Variants in MYO18B observed in about 807,000 individuals in gnomAD.
MYO18B encodes the protein unconventional myosin-XVIIIb.
In MYO18B, 204 loss-of-function variants were observed where a neutral mutation model predicts 273.0. That is an observed-to-expected ratio of 0.75 (90% confidence interval 0.67 to 0.84). The LOEUF (loss-of-function observed/expected upper bound fraction) is 0.84, where lower values mean the gene tolerates loss of function less well. Among genes scored for constraint, MYO18B ranks in the 40% least tolerant of loss-of-function variants. MYO18B has a pLI of 0.00. For synonymous variants in MYO18B, 1,330 were observed against 1,305.7 expected (o/e 1.02, Z -0.40); for missense variants, 3,212 against 3,287.6 (o/e 0.98, Z 0.56).
intron 41 of MYO18B, among the ~76,000 whole-genome samples, chr22:26,004,217 AC>A: frequency 6.6e-6 from 1 of 151,894 alleles, no homozygotes; most frequent in South Asian, 2.1e-4. Flanking sequence ...ACCTGTGACG[AC>A]CCCCTCTCTT....
At chr22:25,807,885 C>A (rs8135237) in intron 12 of MYO18B, among the ~76,000 whole-genome samples, 1 of 151,662 alleles carries the variant, frequency 6.6e-6, no homozygotes, top group African/African-American at 2.4e-5. Context: ...AACTGAGGCT[C>A]AGTTTTCTGA....
chr22:25,862,051 C>T (rs1004339229), intron 21 of MYO18B, among the ~76,000 whole-genome samples: 2 of 152,124 alleles, frequency 1.3e-5, no homozygotes, highest in Non-Finnish European at 1.5e-5. Context: ...ATTTTCTTGT[C>T]ACGGTTCCCT....
chr22:26,001,936 A>G (rs1933992816), intron 40 of MYO18B, among the ~76,000 whole-genome samples: 1 of 152,220 alleles, frequency 6.6e-6, no homozygotes, highest in South Asian at 2.1e-4. Flanking sequence ...TGCTGGATTC[A>G]AGTAAAGATT....
At chr22:25,760,951 C>T (rs1429223894) in intron 1 of MYO18B, 33 bp from the exon 2 acceptor site, 2 of 939,976 alleles carry the variant, frequency 2.1e-6, no homozygotes, top group East Asian at 2.5e-5. Context: ...ACCTGTCTCT[C>T]TCTTCTCTCC....
chr22:25,948,510 C>CCT lies in MYO18B; in HGVS notation c.5748+682_5748+683insCT, dbSNP rs1569225618. 1.0e-2 allele frequency among the ~76,000 whole-genome samples: 142 copies of CCT among 14,252 alleles called. 2 individuals carry two copies. The highest frequency in any genetic ancestry group is 0.022 in the African/African-American group (133 of 5,918). 9.3% of individuals were successfully genotyped at this position (14,252 alleles called of 152,430 possible). A position where few individuals can be genotyped will look rare whatever the true frequency, so the allele number is the denominator to read the frequency against. Reference sequence around the variant, plus strand: ...TCTCTTTCTTTCTTTCCTCTCTTTTCTCTTTCCTTCTTTCTTTCTTCCTTC... The same window carrying CCT: ...TCTCTTTCTTTCTTTCCTCTCTTTTCCTTCTTTCCTTCTTTCTTTCTTCCTTC... On this transcript the variant is annotated intron_variant, in intron 36 of 43. Coordinates refer to ENST00000335473, the MANE Select transcript of MYO18B (RefSeq NM_032608.7).
rs775766182 is a variant in MYO18B, at chr22:25,952,337, C to T, written c.5884C>T (p.Arg1962Ter). Residue 1962 changes from arginine (R) to a stop codon, truncating the protein, a stop_gained, in exon 38 of 44, where the codon CGA (arginine) becomes TGA (stop). Coordinates refer to ENST00000335473, the MANE Select transcript of MYO18B (RefSeq NM_032608.7). LOFTEE classifies it high-confidence loss of function. Reference protein sequence around the residue: ...IEYLEQSTVDRAIVSRQEAVI... With the variant: ...IEYLEQSTVD ...GTACCTGGAACAGTCCACCGTGGAT[C>T]GAGCCATCGTCAGCAGGCAGGAGGC... 8.1e-6 allele frequency: 13 copies of T among 1,611,772 alleles called. No individual in the cohort carries two copies. The East Asian group carries it at 8.9e-5, about 11-fold the overall frequency.
chr22:25,952,443 T>A lies in MYO18B; in HGVS notation c.5970+20T>A. The A allele has an allele frequency of 6.2e-7, 1 of 1,612,284 alleles. No individual in the cohort carries two copies. Among genetic ancestry groups the A allele is most frequent in the South Asian group, 1.1e-5 (1 of 90,358 alleles). The stretch of plus-strand genomic sequence containing the variant: ...TTTGAGGTACGTAGTGATTCATAAA[T>A]AGTGCCTGGGCCAAGAGCAGGGAGA... On this transcript the variant is annotated intron_variant, in intron 38 of 43. Coordinates refer to ENST00000335473, the MANE Select transcript of MYO18B (RefSeq NM_032608.7).
At chr22:25,762,102 T>C (rs1373785259) in intron 2 of MYO18B, among the ~76,000 whole-genome samples, 1 of 147,586 alleles carries the variant, frequency 6.8e-6, no homozygotes, top group Admixed American at 6.7e-5. Flanking sequence ...AGACTCCGTC[T>C]CAAAAAAGAA....
rs200083140 is a variant in MYO18B at position 25,903,688 on chromosome 22, A to C, written c.5005A>C (p.Lys1669Gln). 6.2e-6 allele frequency: 10 copies of C among 1,609,982 alleles called. No individual in the cohort carries two copies. Among genetic ancestry groups the C allele is most frequent in the Middle Eastern group, 1.6e-4 (1 of 6,074 alleles). ...GCAGGTGGAGATGCTACAGGACCAT[A>C]AACGGGAGCTGCTGGGGTCACCCTC... ...KQQVEMLQDH[K>Q]RELLGSPSLG... is the part of the protein sequence containing the mutation. Residue 1669 changes from lysine to glutamine, a missense_variant, in exon 31 of 44, where the codon AAA becomes CAA. Coordinates refer to ENST00000335473, the MANE Select transcript of MYO18B (RefSeq NM_032608.7).
At chr22:25,814,883 G>A (rs3859875) in intron 12 of MYO18B, among the ~76,000 whole-genome samples, 82,322 of 152,118 alleles carry the variant, frequency 0.54, 26,416 homozygotes, top group Non-Finnish European at 0.71. Context: ...GGATGAGTAA[G>A]TGAAGGCTCA....
chr22:25,962,254 TC>T, intron 39 of MYO18B, among the ~76,000 whole-genome samples: 1 of 152,122 alleles, frequency 6.6e-6, no homozygotes, highest in East Asian at 1.9e-4. Flanking sequence ...TCCTTTGTGT[TC>T]CCGTACCCCC....
At chr22:25,866,286 T>C (rs1405612711) in intron 21 of MYO18B, among the ~76,000 whole-genome samples, 2 of 152,044 alleles carry the variant, frequency 1.3e-5, no homozygotes, top group African/African-American at 2.4e-5. Context: ...GGGAGGGGAA[T>C]TGGCAGTCAC....
At position 25,814,294 on chromosome 22, in the gene MYO18B, C is replaced by CTTT. The variant is rs398036691; in HGVS notation, c.2522-9170_2522-9168dup. 3.2e-3 allele frequency among the ~76,000 whole-genome samples: 189 copies of CTTT among 59,488 alleles called. 34 individuals carry two copies. Among genetic ancestry groups the CTTT allele is most frequent in the Non-Finnish European group, 4.7e-3 (146 of 30,808 alleles). The allele number at this position is 59,488 out of a possible 152,430, so 39.0% of individuals were successfully genotyped here. On this transcript the variant is annotated intron_variant, in intron 12 of 43. Transcript: ENST00000335473. The stretch of plus-strand genomic sequence containing the variant: ...GCTTGCCATGCTCCCAGGCACCGTT[C>CTTT]TTTTTTTTTTTTTTTTTTTTTTTTT...
intron 34 of MYO18B, among the ~76,000 whole-genome samples, chr22:25,945,263 C>A (rs913740764): frequency 2.0e-5 from 3 of 152,124 alleles, no homozygotes; most frequent in Non-Finnish European, 4.4e-5. Context: ...CGTCAAACCA[C>A]CTCCTACAGG....
intron 42 of MYO18B, among the ~76,000 whole-genome samples, chr22:26,009,057 G>C (rs1426370465): frequency 6.6e-6 from 1 of 152,180 alleles, no homozygotes; most frequent in Non-Finnish European, 1.5e-5. Context: ...GGCAGTCGCT[G>C]TTCTCATTTC....
intron 42 of MYO18B, among the ~76,000 whole-genome samples, chr22:26,020,544 A>C (rs972656461): frequency 6.6e-6 from 1 of 152,236 alleles, no homozygotes; most frequent in African/African-American, 2.4e-5. Context: ...GACAAGGGTT[A>C]AGATTTTAAA....
chr22:25,765,303 C>A (rs1025561963), intron 3 of MYO18B, among the ~76,000 whole-genome samples: 1 of 152,236 alleles, frequency 6.6e-6, no homozygotes, highest in African/African-American at 2.4e-5. Context: ...ATTTAATTTT[C>A]TTGTCCCAAT....
chr22:25,766,122 T>G (rs1233247470), intron 3 of MYO18B, among the ~76,000 whole-genome samples: 1 of 151,710 alleles, frequency 6.6e-6, no homozygotes, highest in Non-Finnish European at 1.5e-5. Flanking sequence ...CAGAGAGCCC[T>G]AGAGAGAAAA....
intron 42 of MYO18B, among the ~76,000 whole-genome samples, chr22:26,009,086 C>T (rs769881473): frequency 1.3e-5 from 2 of 152,214 alleles, no homozygotes; most frequent in African/African-American, 4.8e-5. Context: ...TTATTCCAAA[C>T]CATCCTGACT....
Sources: allele counts gnomAD v4.1 joint callset (sites outside exome capture counted in the v4.1 genomes callset), GRCh38; gene constraint gnomAD v4.1.1; transcripts MANE v1.5; gene names NCBI Gene and HGNC (gene_info 2026-07-23, HGNC 2026-07-21).